TAOK1: variants seen among roughly 807,000 people sequenced by gnomAD.
The protein encoded by TAOK1 is TAO kinase 1.
Under a neutral mutation model 138.3 loss-of-function variants are expected in TAOK1, and 21 were observed. That is an observed-to-expected ratio of 0.15 (90% CI 0.11 to 0.22). The LOEUF (loss-of-function observed/expected upper bound fraction) is 0.22, where lower values mean the gene tolerates loss of function less well. Ranked by LOEUF, TAOK1 falls within the 10% of genes least tolerant of loss-of-function variation. The pLI is 1.00. For missense variants in TAOK1, 651 were observed against 1,227.7 expected (o/e 0.53, Z 7.02); for synonymous variants, 361 against 398.4 (o/e 0.91, Z 1.12).
At chr17:29,515,951 G>T (rs1268847056) in intron 15 of TAOK1, among the ~76,000 whole-genome samples, 9 of 151,790 alleles carry the variant, frequency 5.9e-5, no homozygotes, top group African/African-American at 9.7e-5. Flanking sequence ...TTTTATGTAT[G>T]TATTTATTTA....
rs748342320 is a variant in TAOK1 at position 29,478,289 on chromosome 17, A to G, written c.391A>G (p.Ile131Val). The change falls in exon 6 of 20, where the codon ATT becomes GTT. Residue 131 changes from isoleucine (I) to valine (V), a missense_variant. By Grantham distance (29) the Ile-to-Val change is conservative. Coordinates refer to ENST00000261716, the MANE Select transcript of TAOK1 (RefSeq NM_020791.4). ...KPLQEVEIAA[I>V]THGALQGLAY... The stretch of plus-strand genomic sequence containing the variant: ...ATTACAAGAAGTGGAAATAGCAGCA[A>G]TTACACATGGTGCTCTTCAGGGATT... 3.1e-6 allele frequency: 5 copies of G among 1,602,352 alleles called. No individual in the cohort carries two copies. Among genetic ancestry groups the G allele is most frequent in the East Asian group, 2.3e-5 (1 of 44,154 alleles).
chr17:29,536,825 G>A (rs569696046), intron 19 of TAOK1, among the ~76,000 whole-genome samples: 5 of 149,884 alleles, frequency 3.3e-5, no homozygotes, highest in South Asian at 2.1e-4. Context: ...TCAGCCTCCC[G>A]AGTACCTGGG....
intron 1 of TAOK1, among the ~76,000 whole-genome samples, chr17:29,407,948 G>A (rs1905039667): frequency 6.6e-6 from 1 of 151,328 alleles, no homozygotes; most frequent in African/African-American, 2.4e-5. Context: ...CTGCAGCCTC[G>A]AACTCTTGGG....
Position 29,545,271 on chromosome 17 carries a change from T to A in TAOK1, c.*2249T>A, listed in dbSNP as rs955569824. The A allele has an allele frequency of 1.4e-5, 1 of 72,424 alleles. No individual in the cohort carries two copies. The highest frequency in any genetic ancestry group is 2.7e-5 in the Non-Finnish European group (1 of 36,598). The allele number at this position is 72,424 out of a possible 1,614,324, so 4.5% of individuals were successfully genotyped here. A position where few individuals can be genotyped will look rare whatever the true frequency, so the allele number is the denominator to read the frequency against. On this transcript the variant is annotated 3_prime_UTR_variant, in exon 20 of 20. Coordinates refer to ENST00000261716, the MANE Select transcript of TAOK1 (RefSeq NM_020791.4). ...TCCAACAAATTGAGAAATTACTTAT[T>A]TGGTGTAAAATGACGAGAGAGCTTT...
At position 29,498,311 on chromosome 17, in the gene TAOK1, C is replaced by G. The variant is rs116616401; in HGVS notation, c.1000-7C>G. The G allele has an allele frequency of 6.8e-6, 11 of 1,614,054 alleles. No individual in the cohort carries two copies. Among genetic ancestry groups the G allele is most frequent in the Non-Finnish European group, 9.3e-6 (11 of 1,179,980 alleles). On this transcript the variant is annotated splice_polypyrimidine_tract_variant and splice_region_variant and intron_variant, in intron 11 of 19. Transcript: ENST00000261716. ...TTTGAACTGAACTGAATGTCCTTTT[C>G]TCTTAGGAACAAGATCATGGTGTTG... is the stretch of plus-strand genomic sequence containing the variant.
At chr17:29,461,999 G>A (rs1011477918) in intron 2 of TAOK1, among the ~76,000 whole-genome samples, 6 of 152,062 alleles carry the variant, frequency 3.9e-5, no homozygotes, top group African/African-American at 1.4e-4. Context: ...ATATTTTGTG[G>A]TATCAGAGAA....
chr17:29,477,655 A>G lies in TAOK1; in HGVS notation c.307-6A>G. 2.2e-6 allele frequency: 3 copies of G among 1,369,378 alleles called. No individual in the cohort carries two copies. Among genetic ancestry groups the G allele is most frequent in the Non-Finnish European group, 1.9e-6 (2 of 1,048,896 alleles). The allele number at this position is 1,369,378 out of a possible 1,614,324, so 84.8% of individuals were successfully genotyped here. ...ATTTTAATGCTTTTATAACTTTTCC[A>G]TGTAGCTTGTAATGGAATATTGTTT... is the stretch of plus-strand genomic sequence containing the variant. On this transcript the variant is annotated splice_polypyrimidine_tract_variant and splice_region_variant and intron_variant, in intron 4 of 19. Coordinates refer to ENST00000261716, the MANE Select transcript of TAOK1 (RefSeq NM_020791.4).
At chr17:29,524,687 A>G (rs2031978105) in intron 17 of TAOK1, among the ~76,000 whole-genome samples, 1 of 152,210 alleles carries the variant, frequency 6.6e-6, no homozygotes, top group African/African-American at 2.4e-5. Context: ...TACTTAAGTA[A>G]TCGTTGCCTC....
intron 1 of TAOK1, among the ~76,000 whole-genome samples, chr17:29,408,394 T>G (rs1567709878): frequency 6.6e-6 from 1 of 151,600 alleles, no homozygotes; most frequent in Non-Finnish European, 1.5e-5. Context: ...CCTGGCTAAT[T>G]TTTTAGAGAT....
At chr17:29,477,777 G>A in intron 5 of TAOK1, 71 bp downstream of exon 5, 1 of 954,898 alleles carries the variant, frequency 1.0e-6, no homozygotes, top group Middle Eastern at 3.4e-4. Context: ...TTATTTAAAT[G>A]ATATTAATAC....
chr17:29,425,014 A>T (rs1905589654), intron 1 of TAOK1: 1 of 152,188 alleles, frequency 6.6e-6, no homozygotes, highest in Admixed American at 6.5e-5. Context: ...TAACAACCAG[A>T]TAGTTAGAAG....
chr17:29,486,084 G>A (rs370668573), intron 8 of TAOK1, among the ~76,000 whole-genome samples: 1 of 151,998 alleles, frequency 6.6e-6, no homozygotes, highest in East Asian at 1.9e-4. Context: ...CCAGGAGTTG[G>A]AGACCAGCCT....
At chr17:29,533,791 G>A (rs1035669494) in intron 18 of TAOK1, among the ~76,000 whole-genome samples, 25 of 24,122 alleles carry the variant, frequency 1.0e-3, no homozygotes, top group Non-Finnish European at 1.8e-3. Context: ...GATGGCAGCA[G>A]TACAGTCCAG....
intron 10 of TAOK1, among the ~76,000 whole-genome samples, chr17:29,492,642 A>G (rs983624912): frequency 6.6e-6 from 1 of 151,784 alleles, no homozygotes; most frequent in African/African-American, 2.4e-5. Flanking sequence ...AAATACAAAA[A>G]TTAGCTGGGC....
intron 3 of TAOK1, among the ~76,000 whole-genome samples, chr17:29,469,463 A>T (rs2030761708): frequency 6.6e-6 from 1 of 152,132 alleles, no homozygotes; most frequent in African/African-American, 2.4e-5. Flanking sequence ...CTCTGTAGTC[A>T]TTAAGCAATA....
At chr17:29,531,635 C>T (rs1372245202) in intron 18 of TAOK1, among the ~76,000 whole-genome samples, 3 of 151,682 alleles carry the variant, frequency 2.0e-5, no homozygotes, top group Non-Finnish European at 4.4e-5. Flanking sequence ...TGGTGGTGGG[C>T]GCCCATAATC....
At chr17:29,445,681 C>T (rs756234348) in intron 1 of TAOK1, among the ~76,000 whole-genome samples, 3 of 151,992 alleles carry the variant, frequency 2.0e-5, no homozygotes, top group Non-Finnish European at 4.4e-5. Context: ...GCTGTGGTGT[C>T]ATTTTTATAT....
intron 1 of TAOK1, among the ~76,000 whole-genome samples, chr17:29,410,417 A>C (rs1567710516): frequency 6.6e-6 from 1 of 151,312 alleles, no homozygotes; most frequent in East Asian, 1.9e-4. Flanking sequence ...CGCCTGGCTA[A>C]TTTTTTTGTA....
chr17:29,532,931 TG>T (rs1229636936), intron 18 of TAOK1, among the ~76,000 whole-genome samples: 1 of 86,000 alleles, frequency 1.2e-5, no homozygotes, highest in Non-Finnish European at 2.4e-5. Flanking sequence ...GCTGGCCGGG[TG>T]GGGGGCTGAC....
Sources: gnomAD v4.1 joint callset for allele counts (sites outside exome capture counted in the v4.1 genomes callset) on GRCh38, gnomAD v4.1.1 for gene constraint, MANE v1.5 for transcripts, NCBI Gene and HGNC (gene_info 2026-07-23, HGNC 2026-07-21) for gene names.